Variants in PLCL1 observed in about 807,000 individuals in gnomAD.
The protein encoded by PLCL1 is inactive phospholipase C-like protein 1.
In PLCL1, 41 loss-of-function variants were observed where a neutral mutation model predicts 84.4. That is an observed-to-expected ratio of 0.49 (90% CI 0.38 to 0.63). The LOEUF (loss-of-function observed/expected upper bound fraction) is 0.63. Ranked by LOEUF, PLCL1 falls within the 30% of genes least tolerant of loss-of-function variation. The pLI, the probability that PLCL1 is intolerant of heterozygous loss-of-function variation, is 0.00. For synonymous variants in PLCL1, 490 were observed against 488.3 expected (o/e 1.00, Z -0.05); for missense variants, 1,206 against 1,367.8 (o/e 0.88, Z 1.87).
intron 1 of PLCL1, among the ~76,000 whole-genome samples, chr2:198,016,459 G>C (rs1025549): frequency 6.6e-6 from 1 of 151,930 alleles, no homozygotes; most frequent in South Asian, 2.1e-4. Context: ...AGTGCTCTAC[G>C]CAACTGTAAG....
chr2:197,837,245 A>G (rs1487957425), intron 1 of PLCL1, among the ~76,000 whole-genome samples: 1 of 152,206 alleles, frequency 6.6e-6, no homozygotes, highest in Non-Finnish European at 1.5e-5. Flanking sequence ...TCTCAGGACA[A>G]AAGACTGGCA....
At chr2:197,864,177 G>C (rs1687484236) in intron 1 of PLCL1, among the ~76,000 whole-genome samples, 1 of 152,132 alleles carries the variant, frequency 6.6e-6, no homozygotes, top group Non-Finnish European at 1.5e-5. Context: ...CAATAAGGCA[G>C]TGGAGGTTAG....
intron 1 of PLCL1, among the ~76,000 whole-genome samples, chr2:198,078,528 T>C (rs1056650801): frequency 2.6e-5 from 4 of 152,196 alleles, no homozygotes; most frequent in African/African-American, 9.6e-5. Flanking sequence ...ATTAAATTTT[T>C]ATTAATAATT....
intron 1 of PLCL1, among the ~76,000 whole-genome samples, chr2:198,050,716 A>T (rs1167970969): frequency 6.6e-6 from 1 of 152,196 alleles, no homozygotes; most frequent in East Asian, 1.9e-4. Flanking sequence ...ATAGGAAATT[A>T]TTTGGAATTA....
intron 1 of PLCL1, among the ~76,000 whole-genome samples, chr2:197,989,611 T>C (rs779088644): frequency 2.6e-5 from 4 of 152,026 alleles, no homozygotes; most frequent in Non-Finnish European, 5.9e-5. Flanking sequence ...GGCTGAGGCA[T>C]GAGAATCATC....
At chr2:197,822,219 C>T (rs899237781) in intron 1 of PLCL1, among the ~76,000 whole-genome samples, 1 of 152,062 alleles carries the variant, frequency 6.6e-6, no homozygotes, top group African/African-American at 2.4e-5. Flanking sequence ...TGCAGTTAAC[C>T]ACACTAGGGC....
intron 1 of PLCL1, among the ~76,000 whole-genome samples, chr2:197,977,352 T>G (rs954580155): frequency 7.2e-5 from 11 of 151,966 alleles, no homozygotes; most frequent in African/African-American, 2.7e-4. Flanking sequence ...CTGCTGCATT[T>G]CCAGGGGCCG....
rs1037468344 is a variant in PLCL1 at position 198,014,574 on chromosome 2, A to G, written c.241-69184A>G. Among the ~76,000 whole-genome samples the G allele has an allele frequency of 2.0e-5, 3 of 152,156 alleles. No individual in the cohort carries two copies. In the South Asian group the frequency reaches 6.2e-4, roughly 32 times the overall value. On this transcript the variant is annotated intron_variant, in intron 1 of 5. Coordinates refer to ENST00000428675, the MANE Select transcript of PLCL1 (RefSeq NM_006226.4). ...TTTTTTCTTGTTAATTTTGTTGTTT[A>G]TGTTATCTTTATTATAACCATGTGG...
rs1359738655 is a variant in PLCL1 at position 198,084,488 on chromosome 2, C to A, written c.971C>A (p.Ser324Tyr). ...PEVYFLLVQISKNKEYLDAND... is the reference protein window; with the variant it reads ...PEVYFLLVQIYKNKEYLDAND... Reference sequence around the variant, plus strand: ...GTGTATTTCTTACTTGTACAGATATCTAAAAACAAAGAATATTTGGATGCC... The same window carrying A: ...GTGTATTTCTTACTTGTACAGATATATAAAAACAAAGAATATTTGGATGCC... Residue 324 changes from serine (S) to tyrosine (Y), a missense_variant, in exon 2 of 6, where the codon TCT (serine) becomes TAT (tyrosine). Physicochemically the swap from Ser to Tyr is moderately radical, Grantham distance 144. Coordinates refer to ENST00000428675, the MANE Select transcript of PLCL1 (RefSeq NM_006226.4). 1 of 1,613,990 alleles carries A rather than the reference C, an allele frequency of 6.2e-7. No homozygotes were observed.
chr2:197,959,498 C>T (rs1303106859), intron 1 of PLCL1, among the ~76,000 whole-genome samples: 1 of 151,870 alleles, frequency 6.6e-6, no homozygotes, highest in Non-Finnish European at 1.5e-5. Flanking sequence ...TTGACTCAAC[C>T]CCTCTGAGTT....
intron 1 of PLCL1, among the ~76,000 whole-genome samples, chr2:197,920,080 A>G (rs747887114): frequency 1.3e-5 from 2 of 152,124 alleles, no homozygotes; most frequent in Admixed American, 1.3e-4. Flanking sequence ...CACAAAGTCA[A>G]TAGCAACTGG....
intron 1 of PLCL1, among the ~76,000 whole-genome samples, chr2:197,859,806 T>C (rs1461359525): frequency 6.6e-6 from 1 of 152,204 alleles, no homozygotes; most frequent in Non-Finnish European, 1.5e-5. Context: ...TTTGGATAAA[T>C]ACATTCTATG....
intron 1 of PLCL1, among the ~76,000 whole-genome samples, chr2:197,982,122 T>C (rs538679844): frequency 2.8e-4 from 42 of 151,744 alleles, no homozygotes; most frequent in African/African-American, 9.9e-4. Flanking sequence ...ATAATTCAAT[T>C]TGATTTACTG....
intron 1 of PLCL1, among the ~76,000 whole-genome samples, chr2:197,890,743 T>G (rs150318878): frequency 1.9e-4 from 28 of 146,664 alleles, no homozygotes; most frequent in African/African-American, 6.0e-4. Context: ...TACGTATATA[T>G]GTATACGTAT....
chr2:197,924,894 T>A (rs1011091862), intron 1 of PLCL1, among the ~76,000 whole-genome samples: 1 of 152,182 alleles, frequency 6.6e-6, no homozygotes, highest in Non-Finnish European at 1.5e-5. Context: ...AATCTAGAAC[T>A]GATCATAGAA....
rs749223584 is a variant in PLCL1 at position 198,101,284 on chromosome 2, G to A, written c.2920-1G>A. ...CCTTTTTGATGTTTATTTTGTAACA[G>A]ATGATTCAAGAGAGCCGGTTTCTCA... On this transcript the variant is annotated splice_acceptor_variant, in intron 3 of 5. Coordinates refer to ENST00000428675, the MANE Select transcript of PLCL1 (RefSeq NM_006226.4). LOFTEE classifies it high-confidence loss of function. The A allele has an allele frequency of 6.3e-7, 1 of 1,581,718 alleles. No homozygotes were observed. Among genetic ancestry groups the A allele is most frequent in the Non-Finnish European group, 8.7e-7 (1 of 1,152,648 alleles).
chr2:197,952,271 A>T (rs1203031484), intron 1 of PLCL1, among the ~76,000 whole-genome samples: 1 of 152,132 alleles, frequency 6.6e-6, no homozygotes, highest in Non-Finnish European at 1.5e-5. Flanking sequence ...AACTTTATTT[A>T]TGTCCTATCT....
chr2:197,986,551 T>C (rs913863016), intron 1 of PLCL1, among the ~76,000 whole-genome samples: 2 of 152,152 alleles, frequency 1.3e-5, no homozygotes, highest in African/African-American at 4.8e-5. Context: ...AGTCTTACTA[T>C]GTCGCCAGGC....
intron 1 of PLCL1, among the ~76,000 whole-genome samples, chr2:197,884,357 T>A (rs1409084109): frequency 6.6e-6 from 1 of 152,236 alleles, no homozygotes; most frequent in Non-Finnish European, 1.5e-5. Context: ...TAGCTCCCAG[T>A]TGAGTTCTCT....
Sources: allele counts gnomAD v4.1 joint callset (sites outside exome capture counted in the v4.1 genomes callset), GRCh38; gene constraint gnomAD v4.1.1; transcripts MANE v1.5; gene names NCBI Gene and HGNC (gene_info 2026-07-23, HGNC 2026-07-21).